The following CPS1 variants were observed in gnomAD, a reference collection of about 807,000 sequenced individuals.
CPS1 encodes the protein carbamoyl-phosphate synthase 1.
In CPS1, 109 loss-of-function variants were observed where a neutral mutation model predicts 174.6. The observed-to-expected ratio is 0.62, with a 90% CI of 0.53 to 0.73. CPS1 has a LOEUF of 0.73. Ranked by LOEUF, CPS1 falls within the 30% of genes least tolerant of loss-of-function variation. The pLI is 0.00. For missense variants in CPS1, 1,689 were observed against 1,821.9 expected (o/e 0.93, Z 1.33); for synonymous variants, 637 against 632.0 (o/e 1.01, Z -0.12).
At chr2:210,553,214 A>G (rs150071496), upstream of CPS1, among the ~76,000 whole-genome samples, 223 of 151,838 alleles carry the variant, frequency 1.5e-3, 1 homozygote, top group Middle Eastern at 0.041. Context: ...TTTCAAAACT[A>G]TGTTCTGAGC....
At chr2:210,568,243 G>C (rs1379323218) in intron 1 of CPS1, among the ~76,000 whole-genome samples, 1 of 152,062 alleles carries the variant, frequency 6.6e-6, no homozygotes, top group Non-Finnish European at 1.5e-5. Flanking sequence ...GGATGTAAAA[G>C]GCAACGAGGA....
At chr2:210,646,077 A>G (rs1261760417) in intron 25 of CPS1, among the ~76,000 whole-genome samples, 1 of 152,182 alleles carries the variant, frequency 6.6e-6, no homozygotes, top group African/African-American at 2.4e-5. Flanking sequence ...AAAGCCTTTT[A>G]TTACACTTTA....
chr2:210,636,601 G>A (rs1397262156), intron 21 of CPS1, among the ~76,000 whole-genome samples: 4 of 151,910 alleles, frequency 2.6e-5, no homozygotes, highest in Admixed American at 6.6e-5. Flanking sequence ...CCTGATTGAC[G>A]AATAAAAGTT....
chr2:210,675,492 T>C (rs1312432357), intron 35 of CPS1, among the ~76,000 whole-genome samples: 2 of 152,216 alleles, frequency 1.3e-5, no homozygotes, highest in Non-Finnish European at 2.9e-5. Flanking sequence ...AACATATAAT[T>C]ATTAAAATGG....
In CPS1 at chr2:210,608,450, GTTTT is replaced by G. The variant is rs1384223682; in HGVS notation, c.2283_2286del (p.Cys761TrpfsTer31). The G allele has an allele frequency of 1.9e-6, 3 of 1,612,436 alleles. No homozygotes were observed. The African/African-American group carries it at 4.0e-5, about 22-fold the overall frequency. ...GTCGTATCCGGGAAGACATCAGCCT[GTTTT>G]GAACCTAGCCTGGATTACATGGTCA... On this transcript the variant is annotated frameshift_variant, in exon 19 of 38. Coordinates refer to ENST00000233072, the MANE Select transcript of CPS1 (RefSeq NM_001875.5). LOFTEE classifies it high-confidence loss of function.
At chr2:210,648,865 C>T (rs952366228) in intron 27 of CPS1, among the ~76,000 whole-genome samples, 3 of 152,168 alleles carry the variant, frequency 2.0e-5, no homozygotes, top group Non-Finnish European at 4.4e-5. Context: ...CTCTCGCCAG[C>T]GTGTTTTCTG....
At chr2:210,496,965 C>G (rs1162923112) in intron 1 of CPS1, among the ~76,000 whole-genome samples, 2 of 152,128 alleles carry the variant, frequency 1.3e-5, no homozygotes, top group African/African-American at 4.8e-5. Flanking sequence ...ATATTCTGGA[C>G]AGCTGGTCTG....
At chr2:210,658,557 T>C (rs1574651824) in intron 30 of CPS1, 42 bp from the exon 31 acceptor site, 1 of 1,551,124 alleles carries the variant, frequency 6.4e-7, no homozygotes, top group Non-Finnish European at 8.9e-7. Flanking sequence ...AAAACTAAGA[T>C]ATGCTCTTTA....
intron 1 of CPS1, among the ~76,000 whole-genome samples, chr2:210,550,823 A>AT (rs764124251): frequency 2.8e-4 from 42 of 151,662 alleles, no homozygotes; most frequent in Admixed American, 5.3e-4. Context: ...AATAATTATT[A>AT]TTTTTTTACT....
At chr2:210,517,971 CTG>C (rs1454206198) in intron 1 of CPS1, among the ~76,000 whole-genome samples, 1 of 151,932 alleles carries the variant, frequency 6.6e-6, no homozygotes, top group African/African-American at 2.4e-5. Flanking sequence ...ATCTATGTGA[CTG>C]AAATTTGTTC....
intron 24 of CPS1, among the ~76,000 whole-genome samples, chr2:210,641,363 C>G (rs58205745): frequency 6.6e-6 from 1 of 152,040 alleles, no homozygotes; most frequent in South Asian, 2.1e-4. Flanking sequence ...TGGACTCAAG[C>G]GATCCTCCTG....
At chr2:210,502,473 T>A (rs113187902) in intron 1 of CPS1, among the ~76,000 whole-genome samples, 15 of 121,142 alleles carry the variant, frequency 1.2e-4, no homozygotes, top group Admixed American at 4.1e-4. Context: ...ATATATATAT[T>A]TATATATAAA....
intron 25 of CPS1, among the ~76,000 whole-genome samples, chr2:210,645,160 T>A (rs1312586654): frequency 6.6e-6 from 1 of 152,120 alleles, no homozygotes; most frequent in African/African-American, 2.4e-5. Context: ...TTTACAAACA[T>A]GTTCTCATAC....
chr2:210,499,163 A>G (rs896639530), intron 1 of CPS1, among the ~76,000 whole-genome samples: 4 of 152,082 alleles, frequency 2.6e-5, no homozygotes, highest in African/African-American at 9.7e-5. Flanking sequence ...CTGTACCATG[A>G]TCTCTGCACA....
chr2:210,501,797 A>G (rs573428557), intron 1 of CPS1, among the ~76,000 whole-genome samples: 11 of 151,794 alleles, frequency 7.2e-5, no homozygotes, highest in South Asian at 2.1e-4. Context: ...AACTGTTCCA[A>G]CCTCTGCCTG....
intron 1 of CPS1, among the ~76,000 whole-genome samples, chr2:210,542,018 C>G (rs2106014179): frequency 6.6e-6 from 1 of 152,212 alleles, no homozygotes; most frequent in East Asian, 1.9e-4. Context: ...TTCCCCTCCT[C>G]CCTTATTTTT....
At chr2:210,509,301 G>T (rs1289876194) in intron 1 of CPS1, among the ~76,000 whole-genome samples, 3 of 152,168 alleles carry the variant, frequency 2.0e-5, no homozygotes, top group Admixed American at 2.0e-4. Flanking sequence ...CTCAATAGAT[G>T]CAGAAAAGGC....
At chr2:210,589,464 C>T (rs1268225137) in intron 7 of CPS1, among the ~76,000 whole-genome samples, 1 of 152,030 alleles carries the variant, frequency 6.6e-6, no homozygotes, top group Non-Finnish European at 1.5e-5. Context: ...AAAGGCAAGA[C>T]TGAAAAAGGT....
At position 210,608,575 on chromosome 2, in the gene CPS1, A is replaced by G. The variant is rs1019619501; in HGVS notation, c.2391+16A>G. 2.5e-6 allele frequency: 4 copies of G among 1,608,644 alleles called. No individual in the cohort carries two copies. The highest frequency in any genetic ancestry group is 1.1e-5 in the South Asian group (1 of 90,954). On this transcript the variant is annotated intron_variant, in intron 19 of 37. Transcript: ENST00000233072. ...TGTAGGAGAGGTGAGTCCTTGGTTT[A>G]TTACGCTTTTCTTCTTGTTCTCAGT...
Sources: allele counts gnomAD v4.1 joint callset (sites outside exome capture counted in the v4.1 genomes callset), GRCh38; gene constraint gnomAD v4.1.1; transcripts MANE v1.5; gene names NCBI Gene and HGNC (gene_info 2026-07-23, HGNC 2026-07-21).